NDUFAF6: variants seen among roughly 807,000 people sequenced by gnomAD.
NDUFAF6 encodes NADH dehydrogenase (ubiquinone) complex I, assembly factor 6.
In NDUFAF6, 45 loss-of-function variants were observed where a neutral mutation model predicts 40.8. The observed-to-expected ratio is 1.10, with a 90% confidence interval of 0.87 to 1.42. The LOEUF (loss-of-function observed/expected upper bound fraction) is 1.42. NDUFAF6 is among the 40% of genes most tolerant of loss of function. The probability of loss-of-function intolerance (pLI) is 0.00; values close to 1 mark genes in which losing one functional copy is unlikely to be tolerated. For synonymous variants in NDUFAF6, 185 were observed against 155.9 expected (o/e 1.19, Z -1.39); for missense variants, 435 against 418.5 (o/e 1.04, Z -0.34).
chr8:95,032,168 A>C, intron 2 of NDUFAF6, 74 bp downstream of exon 2: 1 of 1,246,380 alleles, frequency 8.0e-7, no homozygotes, highest in Non-Finnish European at 1.2e-6. Context: ...ACAATAAAGA[A>C]ATATAGTTGT....
downstream of NDUFAF6, among the ~76,000 whole-genome samples, chr8:95,105,062 CACACAGAGAGAGAG>C (rs1447272369): frequency 5.8e-3 from 378 of 65,348 alleles, 1 homozygote; most frequent in South Asian, 0.018. Flanking sequence ...CACACACACA[CACACAGAGAGAGAG>C]AGAGAGAGAG....
At chr8:95,105,060 CACACACAGAGAGAG>C (rs1297092275), downstream of NDUFAF6, among the ~76,000 whole-genome samples, 3 of 58,900 alleles carry the variant, frequency 5.1e-5, no homozygotes, top group South Asian at 1.3e-3. Context: ...CACACACACA[CACACACAGAGAGAG>C]AGAGAGAGAG....
At chr8:95,034,989 C>G (rs961447405) in intron 2 of NDUFAF6, among the ~76,000 whole-genome samples, 7 of 151,934 alleles carry the variant, frequency 4.6e-5, no homozygotes, top group African/African-American at 1.5e-4. Context: ...AAGCGATTCT[C>G]CTGCCTCAGT....
downstream of NDUFAF6, chr8:95,078,748 T>G (rs1257502493): frequency 1.3e-5 from 2 of 151,788 alleles, no homozygotes; most frequent in African/African-American, 2.4e-5. Context: ...ACTGATCTGC[T>G]TACTGTTTCT....
At chr8:95,028,198 T>A (rs769587628) in intron 1 of NDUFAF6, among the ~76,000 whole-genome samples, 4 of 152,250 alleles carry the variant, frequency 2.6e-5, no homozygotes, top group Non-Finnish European at 4.4e-5. Flanking sequence ...AGTACCCATC[T>A]TCAGTGTCTG....
intron 1 of NDUFAF6, among the ~76,000 whole-genome samples, chr8:94,905,198 GAA>G (rs537000535): frequency 6.6e-6 from 1 of 150,556 alleles, no homozygotes. Flanking sequence ...TATGTCTCAA[GAA>G]AAAAAAATTT....
chr8:95,017,459 C>T (rs955893040), intron 2 of NDUFAF6, among the ~76,000 whole-genome samples: 1 of 152,176 alleles, frequency 6.6e-6, no homozygotes, highest in Non-Finnish European at 1.5e-5. Context: ...GAGCATCTAT[C>T]CATGTGGTCC....
chr8:94,900,955 A>G (rs1463366824), intron 1 of NDUFAF6, among the ~76,000 whole-genome samples: 1 of 152,172 alleles, frequency 6.6e-6, no homozygotes, highest in Non-Finnish European at 1.5e-5. Context: ...AATCTAGTGT[A>G]AGGGAGGGGG....
intron 2 of NDUFAF6, among the ~76,000 whole-genome samples, chr8:95,018,409 TATTC>T (rs199744511): frequency 0.13 from 19,467 of 151,814 alleles, 1,303 homozygotes; most frequent in Middle Eastern, 0.24. Context: ...CATTACCTCC[TATTC>T]ATTCATTCAT....
chr8:95,034,635 T>A (rs1829260869), intron 2 of NDUFAF6: 1 of 152,586 alleles, frequency 6.6e-6, no homozygotes, highest in African/African-American at 2.4e-5. Flanking sequence ...TATATTAAAC[T>A]TATGGATTCC....
intron 1 of NDUFAF6, among the ~76,000 whole-genome samples, chr8:94,962,867 T>C (rs1294073951): frequency 1.3e-5 from 2 of 151,422 alleles, no homozygotes; most frequent in South Asian, 2.1e-4. Flanking sequence ...CTCAGCTCAC[T>C]GCAACCTTAG....
chr8:94,994,534 G>GA (rs199859068), intron 2 of NDUFAF6, among the ~76,000 whole-genome samples: 2,167 of 135,500 alleles, frequency 0.016, 22 homozygotes, highest in Non-Finnish European at 0.02. Flanking sequence ...CATCTCAAAG[G>GA]AAAAAAAAAA....
intron 4 of NDUFAF6, among the ~76,000 whole-genome samples, chr8:95,042,966 C>A (rs576014313): frequency 1.3e-5 from 2 of 152,132 alleles, no homozygotes; most frequent in South Asian, 4.2e-4. Context: ...CTCCCTCACA[C>A]CATATACAAA....
intron 1 of NDUFAF6, among the ~76,000 whole-genome samples, chr8:94,909,021 T>C (rs1159141145): frequency 6.6e-6 from 1 of 152,216 alleles, no homozygotes; most frequent in Non-Finnish European, 1.5e-5. Flanking sequence ...AGTTTATATA[T>C]GTATCCAAAG....
chr8:95,118,063 A>T (rs149197798), downstream of NDUFAF6, among the ~76,000 whole-genome samples: 158 of 152,320 alleles, frequency 1.0e-3, 2 homozygotes, highest in Non-Finnish European at 1.9e-3. Context: ...AGTCACCCTA[A>T]CAACTCATCT....
At chr8:94,989,951 A>G (rs1373774318) in intron 2 of NDUFAF6, among the ~76,000 whole-genome samples, 1 of 152,176 alleles carries the variant, frequency 6.6e-6, no homozygotes, top group Non-Finnish European at 1.5e-5. Context: ...GCTGGTCTTG[A>G]ACTGCTAGGC....
At chr8:95,085,327 C>G (rs1809008707) in intron 2 of NDUFAF6, among the ~76,000 whole-genome samples, 1 of 152,164 alleles carries the variant, frequency 6.6e-6, no homozygotes, top group Non-Finnish European at 1.5e-5. Flanking sequence ...TCTTCTCCTC[C>G]TCCCATGCCT....
intron 4 of NDUFAF6, among the ~76,000 whole-genome samples, chr8:95,114,922 C>T (rs929310293): frequency 2.0e-5 from 3 of 152,018 alleles, no homozygotes; most frequent in Admixed American, 6.6e-5. Context: ...ATTAGCCAGG[C>T]GTGGTGGCAG....
At chr8:94,906,905 C>T (rs571812637) in intron 1 of NDUFAF6, among the ~76,000 whole-genome samples, 9 of 152,306 alleles carry the variant, frequency 5.9e-5, no homozygotes, top group East Asian at 1.9e-4. Flanking sequence ...GTGTCTCCCA[C>T]TAGAAGTTCT....
Sources: gnomAD v4.1 joint callset for allele counts (sites outside exome capture counted in the v4.1 genomes callset) on GRCh38, gnomAD v4.1.1 for gene constraint, MANE v1.5 for transcripts, NCBI Gene and HGNC (gene_info 2026-07-23, HGNC 2026-07-21) for gene names.